The following DOCK8 variants were observed in gnomAD, a reference collection of about 807,000 sequenced individuals.
DOCK8 encodes the protein dedicator of cytokinesis 8.
Under a neutral mutation model 245.6 loss-of-function variants are expected in DOCK8, and 141 were observed. The observed-to-expected ratio is 0.57, with a 90% CI of 0.50 to 0.66. The LOEUF (loss-of-function observed/expected upper bound fraction) is 0.66. Among genes scored for constraint, DOCK8 ranks in the 30% least tolerant of loss-of-function variants. The probability of loss-of-function intolerance (pLI) is 0.00; values close to 1 mark genes in which losing one functional copy is unlikely to be tolerated. For synonymous variants in DOCK8, 1,168 were observed against 970.2 expected (o/e 1.20, Z -3.79); for missense variants, 2,965 against 2,603.4 (o/e 1.14, Z -3.02).
At chr9:260,689 G>A (rs1404746357) in intron 1 of DOCK8, among the ~76,000 whole-genome samples, 1 of 152,140 alleles carries the variant, frequency 6.6e-6, no homozygotes, top group African/African-American at 2.4e-5. Flanking sequence ...AAAGAGACTA[G>A]TTAAGAAATT....
At chr9:330,716 G>A (rs913025855) in intron 9 of DOCK8, among the ~76,000 whole-genome samples, 2 of 152,180 alleles carry the variant, frequency 1.3e-5, no homozygotes, top group African/African-American at 4.8e-5. Context: ...GCAGAAAGTA[G>A]TCTGTTCCCT....
At chr9:225,107 T>C (rs1170958594) in intron 1 of DOCK8, among the ~76,000 whole-genome samples, 1 of 152,194 alleles carries the variant, frequency 6.6e-6, no homozygotes, top group African/African-American at 2.4e-5. Context: ...TGACTTCCTC[T>C]AGGTATTACG....
intron 5 of DOCK8, among the ~76,000 whole-genome samples, chr9:306,308 C>A (rs115282540): frequency 6.6e-6 from 1 of 152,110 alleles, no homozygotes; most frequent in Non-Finnish European, 1.5e-5. Flanking sequence ...TCATTTCCAG[C>A]GCTAAATATG....
intron 24 of DOCK8, among the ~76,000 whole-genome samples, chr9:395,128 C>G (rs16937865): frequency 0.016 from 2,434 of 152,222 alleles, 58 homozygotes; most frequent in African/African-American, 0.056. Flanking sequence ...AGTTCCCACC[C>G]TTCATTCGGG....
Position 327,879 on chromosome 9 carries a change from GCCACTTT to G in DOCK8, c.895-140_895-134del, listed in dbSNP as rs2130824115. ...AAACATTTGTCAGATTTATCCAGGAGCCACTTTCCTAAACCACATCTGTGATTATTAC... is the reference window on the plus strand; with the variant it reads ...AAACATTTGTCAGATTTATCCAGGAGCCTAAACCACATCTGTGATTATTAC... On this transcript the variant is annotated intron_variant, in intron 8 of 47. Transcript: ENST00000432829. 9 of 754,432 alleles carry G rather than the reference GCCACTTT, an allele frequency of 1.2e-5. No individual in the cohort carries two copies. In the South Asian group the frequency reaches 1.3e-4, roughly 11 times the overall value. The allele number at this position is 754,432 out of a possible 1,614,324, so 46.7% of individuals were successfully genotyped here. A position where few individuals can be genotyped will look rare whatever the true frequency, so the allele number is the denominator to read the frequency against.
chr9:243,377 G>T (rs1199376924), intron 1 of DOCK8, among the ~76,000 whole-genome samples: 2 of 152,180 alleles, frequency 1.3e-5, no homozygotes, highest in African/African-American at 4.8e-5. Flanking sequence ...TTGTTTTCCT[G>T]ATCTGGGAAG....
At position 446,400 on chromosome 9, in the gene DOCK8, T is replaced by C; in HGVS notation, c.5611T>C (p.Tyr1871His). The C allele has an allele frequency of 6.2e-7, 1 of 1,614,234 alleles. No individual in the cohort carries two copies. The highest frequency in any genetic ancestry group is 8.5e-7 in the Non-Finnish European group (1 of 1,180,036). Reference protein sequence around the residue: ...AYIQITFVEPYFDEYEMKDRV... With the variant: ...AYIQITFVEPHFDEYEMKDRV... ...CATACAGATCACTTTTGTGGAGCCCTACTTTGATGAGTATGAGATGAAAGA... is the reference window on the plus strand; with the variant it reads ...CATACAGATCACTTTTGTGGAGCCCCACTTTGATGAGTATGAGATGAAAGA... The change falls in exon 44 of 48, where the codon TAC (tyrosine) becomes CAC (histidine). Residue 1871 changes from tyrosine to histidine, a missense_variant. Tyr to His is a moderately conservative substitution (Grantham distance 83, BLOSUM62 2). This residue lies in a region of DOCK8 where 2,825 missense variants were observed against 2,453.5 expected (regional missense o/e 1.15). Coordinates refer to ENST00000432829, the MANE Select transcript of DOCK8 (RefSeq NM_203447.4).
chr9:417,852 T>A (rs938219445), intron 29 of DOCK8, among the ~76,000 whole-genome samples: 9 of 152,244 alleles, frequency 5.9e-5, no homozygotes, highest in African/African-American at 2.2e-4. Flanking sequence ...GTTCACACAA[T>A]TTGAAAAATT....
chr9:400,012 A>ACCATCT (rs1564011425), intron 26 of DOCK8, among the ~76,000 whole-genome samples: 5 of 94,014 alleles, frequency 5.3e-5, no homozygotes, highest in African/African-American at 2.0e-4. Flanking sequence ...CACCTCCACC[A>ACCATCT]TCACCACCAC....
chr9:430,590 G>A (rs537856190), intron 36 of DOCK8, among the ~76,000 whole-genome samples: 1 of 151,420 alleles, frequency 6.6e-6, no homozygotes, highest in Non-Finnish European at 1.5e-5. Context: ...GCTGAGGCAC[G>A]AGAATCGCTT....
intron 42 of DOCK8, among the ~76,000 whole-genome samples, chr9:442,606 AAGAGAAACAGCCT>A (rs2057127427): frequency 6.6e-6 from 1 of 152,204 alleles, no homozygotes; most frequent in South Asian, 2.1e-4. Context: ...CATGGAGAAA[AAGAGAAACAGCCT>A]AGAGAAAGGT....
upstream of DOCK8, among the ~76,000 whole-genome samples, chr9:212,123 G>A (rs1019538156): frequency 6.6e-6 from 1 of 152,132 alleles, no homozygotes; most frequent in African/African-American, 2.4e-5. Flanking sequence ...GTATGTGTGG[G>A]GGGGTTAATG....
chr9:433,739 T>A, intron 37 of DOCK8, 136 bp from the exon 38 acceptor site: 1 of 735,504 alleles, frequency 1.4e-6, no homozygotes. Context: ...CAGGTCTAGA[T>A]GACTCCGCCA....
chr9:335,049 T>A (rs1002271327), intron 11 of DOCK8, among the ~76,000 whole-genome samples: 11 of 151,922 alleles, frequency 7.2e-5, no homozygotes, highest in African/African-American at 2.7e-4. Flanking sequence ...GCCTCTGCAC[T>A]CCAGCCTGGG....
At chr9:447,068 T>C (rs1587081955) in intron 44 of DOCK8, among the ~76,000 whole-genome samples, 1 of 152,098 alleles carries the variant, frequency 6.6e-6, no homozygotes, top group African/African-American at 2.4e-5. Context: ...CCGTGTAAGG[T>C]AGACAAGTTC....
chr9:461,955 TTTTA>T (rs1165991263), intron 46 of DOCK8, among the ~76,000 whole-genome samples: 1 of 151,796 alleles, frequency 6.6e-6, no homozygotes, highest in East Asian at 1.9e-4. Flanking sequence ...ATTTTATACC[TTTTA>T]TTTATTTTCT....
chr9:375,361 A>G (rs2053473403), intron 18 of DOCK8, among the ~76,000 whole-genome samples: 1 of 152,256 alleles, frequency 6.6e-6, no homozygotes, highest in Non-Finnish European at 1.5e-5. Context: ...GTAATGATAT[A>G]TAAACGTATA....
intron 14 of DOCK8, among the ~76,000 whole-genome samples, chr9:343,338 T>G (rs931782380): frequency 1.3e-5 from 2 of 151,898 alleles, no homozygotes; most frequent in Non-Finnish European, 2.9e-5. Context: ...TACAAAACAT[T>G]TTAAAAATTG....
chr9:440,851 A>T (rs1345373385), intron 40 of DOCK8, among the ~76,000 whole-genome samples: 1 of 152,114 alleles, frequency 6.6e-6, no homozygotes, highest in African/African-American at 2.4e-5. Flanking sequence ...CTCCCACCTC[A>T]ACCGCCCAAG....
Sources: allele counts gnomAD v4.1 joint callset (sites outside exome capture counted in the v4.1 genomes callset), GRCh38; gene constraint gnomAD v4.1.1; regional missense constraint gnomAD v4.1.1; transcripts MANE v1.5; gene names NCBI Gene and HGNC (gene_info 2026-07-23, HGNC 2026-07-21).